Variants in RNF38 observed in about 807,000 individuals in gnomAD.
The protein encoded by RNF38 is E3 ubiquitin-protein ligase RNF38.
In RNF38, 15 loss-of-function variants were observed where a neutral mutation model predicts 67.2. The observed-to-expected ratio is 0.22, with a 90% CI of 0.15 to 0.34. The LOEUF is 0.34. Ranked by LOEUF, RNF38 falls within the 10% of genes least tolerant of loss-of-function variation. The pLI, the probability that RNF38 is intolerant of heterozygous loss-of-function variation, is 1.00. For missense variants in RNF38, 524 were observed against 639.9 expected (o/e 0.82, Z 1.95); for synonymous variants, 220 against 218.8 (o/e 1.01, Z -0.05).
At chr9:36,409,515 C>T (rs978826199) in intron 2 of RNF38, among the ~76,000 whole-genome samples, 4 of 152,134 alleles carry the variant, frequency 2.6e-5, no homozygotes, top group African/African-American at 7.2e-5. Context: ...ACTGCCTGAA[C>T]GTCTTACTAT....
At chr9:36,377,849 CTGTATTGT>C (rs1449301624) in intron 2 of RNF38, among the ~76,000 whole-genome samples, 5 of 152,086 alleles carry the variant, frequency 3.3e-5, no homozygotes, top group South Asian at 2.1e-4. Flanking sequence ...TTGTATTATT[CTGTATTGT>C]TGTATTGTTA....
chr9:36,441,117 A>G (rs963773402), intron 1 of RNF38, among the ~76,000 whole-genome samples: 3 of 152,178 alleles, frequency 2.0e-5, no homozygotes, highest in African/African-American at 7.2e-5. Context: ...AAGATGAGAA[A>G]GAAAAAGCTC....
intron 1 of RNF38, among the ~76,000 whole-genome samples, chr9:36,471,595 T>A (rs912472359): frequency 1.3e-5 from 2 of 152,082 alleles, no homozygotes; most frequent in Non-Finnish European, 2.9e-5. Context: ...AGCCCAGGAG[T>A]TCCAGGCCAG....
intron 1 of RNF38, among the ~76,000 whole-genome samples, chr9:36,456,728 A>C (rs1839604478): frequency 6.6e-6 from 1 of 152,104 alleles, no homozygotes. Flanking sequence ...AGCTAGCACA[A>C]ATACCCGTTA....
chr9:36,402,917 A>G (rs1222818367), upstream of RNF38, among the ~76,000 whole-genome samples: 6 of 152,066 alleles, frequency 3.9e-5, no homozygotes, highest in Non-Finnish European at 7.4e-5. Flanking sequence ...CAATGGCTGG[A>G]TCACATCTCA....
At position 36,407,951 on chromosome 9, in the gene RNF38, C is replaced by T. The variant is rs548507237; in HGVS notation, n.312+16662G>A. ...TTCTCAGTGTTTTGCTATTACAAAG[C>T]TATTATTAATATTCTTGTACATACA... On this transcript the variant is annotated intron_variant and non_coding_transcript_variant, in intron 2 of 3. Coordinates refer to the RNF38 transcript ENST00000488058. Among the ~76,000 whole-genome samples, 27 of 152,180 alleles carry T rather than the reference C, an allele frequency of 1.8e-4. 1 individual carries two copies. In the South Asian group the frequency reaches 3.7e-3, roughly 21 times the overall value.
At chr9:36,416,949 G>A (rs1030213756) in intron 2 of RNF38, among the ~76,000 whole-genome samples, 2 of 151,774 alleles carry the variant, frequency 1.3e-5, no homozygotes, top group African/African-American at 2.4e-5. Flanking sequence ...ATAGGATTTC[G>A]CCACGTTAGC....
At chr9:36,416,752 T>TG (rs1564054511) in intron 2 of RNF38, among the ~76,000 whole-genome samples, 3 of 130,914 alleles carry the variant, frequency 2.3e-5, no homozygotes, top group African/African-American at 8.5e-5. Context: ...ATTTTTTTTT[T>TG]TTTTTTTTTT....
intron 1 of RNF38, among the ~76,000 whole-genome samples, chr9:36,432,768 A>G (rs1171121295): frequency 6.6e-6 from 1 of 152,126 alleles, no homozygotes; most frequent in Admixed American, 6.6e-5. Flanking sequence ...ACACAGTGAG[A>G]CTCAAAAAAC....
chr9:36,481,423 G>T (rs1840259690), intron 1 of RNF38, among the ~76,000 whole-genome samples: 1 of 152,138 alleles, frequency 6.6e-6, no homozygotes, highest in Non-Finnish European at 1.5e-5. Context: ...GCAGTCCCAA[G>T]AACAGCGCTA....
chr9:36,400,781 G>C (rs543380334), upstream of RNF38: 528 of 985,666 alleles, frequency 5.4e-4, 4 homozygotes, highest in South Asian at 5.5e-3. Context: ...CACGCCCAGA[G>C]ATGACAGAGT....
At chr9:36,373,136 G>A (rs890720450) in intron 3 of RNF38, among the ~76,000 whole-genome samples, 3 of 152,128 alleles carry the variant, frequency 2.0e-5, no homozygotes, top group Non-Finnish European at 2.9e-5. Context: ...GAATGTGGGA[G>A]GTGGAGGTTG....
chr9:36,430,215 A>G (rs1229931884), intron 1 of RNF38, among the ~76,000 whole-genome samples: 1 of 152,076 alleles, frequency 6.6e-6, no homozygotes, highest in Non-Finnish European at 1.5e-5. Context: ...TATTATTATT[A>G]TTAATTTTGA....
chr9:36,451,039 A>C (rs1415905500), intron 1 of RNF38, among the ~76,000 whole-genome samples: 1 of 152,250 alleles, frequency 6.6e-6, no homozygotes, highest in African/African-American at 2.4e-5. Context: ...CTGAACCTCT[A>C]ATTCTAGCAA....
chr9:36,437,153 G>A (rs1266043546), intron 1 of RNF38, among the ~76,000 whole-genome samples: 1 of 152,228 alleles, frequency 6.6e-6, no homozygotes, highest in African/African-American at 2.4e-5. Context: ...TGGCACTGCA[G>A]CTGAGCAAGG....
chr9:36,349,677 A>G (rs1833551462), intron 9 of RNF38, among the ~76,000 whole-genome samples: 1 of 152,050 alleles, frequency 6.6e-6, no homozygotes, highest in East Asian at 1.9e-4. Flanking sequence ...TTGTGGTGTG[A>G]TGGCCAAAAA....
intron 1 of RNF38, among the ~76,000 whole-genome samples, chr9:36,478,558 T>C (rs989024501): frequency 1.4e-5 from 2 of 147,890 alleles, no homozygotes; most frequent in Non-Finnish European, 3.0e-5. Flanking sequence ...TGGCTCATAC[T>C]TGTAATCCCA....
chr9:36,371,937 T>TTC (rs1375717861), intron 3 of RNF38, among the ~76,000 whole-genome samples: 1 of 150,656 alleles, frequency 6.6e-6, no homozygotes, highest in African/African-American at 2.4e-5. Context: ...TTCTTTTCTT[T>TTC]TTTTTTTTTT....
intron 2 of RNF38, among the ~76,000 whole-genome samples, chr9:36,416,342 G>T (rs1418360465): frequency 2.0e-5 from 3 of 152,020 alleles, no homozygotes; most frequent in Non-Finnish European, 4.4e-5. Flanking sequence ...AGGCCTCACC[G>T]AATTCCTCCA....
Sources: allele counts gnomAD v4.1 joint callset (sites outside exome capture counted in the v4.1 genomes callset), GRCh38; gene constraint gnomAD v4.1.1; transcripts MANE v1.5; gene names NCBI Gene and HGNC (gene_info 2026-07-23, HGNC 2026-07-21).